RARB: variants seen among roughly 807,000 people sequenced by gnomAD.
RARB encodes the protein HBV-activated protein.
Under a neutral mutation model 51.9 loss-of-function variants are expected in RARB, and 17 were observed. That is an observed-to-expected ratio of 0.33 (90% CI 0.22 to 0.49). The LOEUF is 0.49. Ranked by LOEUF, RARB falls within the 20% of genes least tolerant of loss-of-function variation. The pLI is 0.99. For synonymous variants in RARB, 215 were observed against 195.4 expected (o/e 1.10, Z -0.84); for missense variants, 369 against 550.8 (o/e 0.67, Z 3.30).
chr3:25,097,273 A>G (rs1699313407), intron 3 of RARB, among the ~76,000 whole-genome samples: 1 of 152,194 alleles, frequency 6.6e-6, no homozygotes, highest in Admixed American at 6.5e-5. Flanking sequence ...ACTGTACACA[A>G]CAATTTAATG....
intron 3 of RARB, among the ~76,000 whole-genome samples, chr3:25,547,082 G>A (rs959063157): frequency 5.3e-5 from 8 of 152,134 alleles, no homozygotes; most frequent in African/African-American, 1.2e-4. Flanking sequence ...GTTGATACCC[G>A]AAGGCCTCCT....
chr3:25,075,285 C>T (rs775766754), intron 3 of RARB, among the ~76,000 whole-genome samples: 4 of 152,122 alleles, frequency 2.6e-5, no homozygotes, highest in East Asian at 1.9e-4. Context: ...CCCTATACCC[C>T]GTCTTTCTCA....
intron 5 of RARB, among the ~76,000 whole-genome samples, chr3:25,363,250 C>T (rs149130131): frequency 2.3e-3 from 348 of 152,166 alleles, no homozygotes; most frequent in African/African-American, 5.9e-3. Context: ...AGAGAAGGAA[C>T]GTAGGCTGTG....
At chr3:24,923,092 G>A (rs1021973823) in intron 2 of RARB, among the ~76,000 whole-genome samples, 2 of 152,122 alleles carry the variant, frequency 1.3e-5, no homozygotes, top group Non-Finnish European at 2.9e-5. Flanking sequence ...TTCAGACAAG[G>A]GTAAAAGGTC....
At chr3:25,474,340 G>C (rs146872332) in intron 2 of RARB, among the ~76,000 whole-genome samples, 247 of 152,280 alleles carry the variant, frequency 1.6e-3, no homozygotes, top group Middle Eastern at 6.8e-3. Context: ...CACATCTGGG[G>C]ACTTTGCGAT....
chr3:24,935,921 A>G (rs1415725853), intron 2 of RARB, among the ~76,000 whole-genome samples: 1 of 152,152 alleles, frequency 6.6e-6, no homozygotes, highest in Admixed American at 6.6e-5. Flanking sequence ...TTAACCACCA[A>G]TAAATTGGCA....
intron 2 of RARB, among the ~76,000 whole-genome samples, chr3:24,861,737 T>C (rs1014973932): frequency 5.3e-5 from 8 of 152,190 alleles, no homozygotes; most frequent in African/African-American, 1.9e-4. Flanking sequence ...GCATTCAAGC[T>C]GCAGTGATAT....
At position 25,294,762 on chromosome 3, in the gene RARB, TC is replaced by T. The variant is rs1177635831; in HGVS notation, c.178+120190del. Among the ~76,000 whole-genome samples the T allele has an allele frequency of 2.0e-5, 3 of 148,278 alleles. No individual in the cohort carries two copies. The East Asian group carries it at 5.8e-4, about 29-fold the overall frequency. On this transcript the variant is annotated intron_variant, in intron 5 of 11. Coordinates refer to the RARB transcript ENST00000383772. Reference sequence around the variant, plus strand: ...GTCATTTGGCAATGTATTCGTGGCCTCCCAGTCTTTTCTCCTACTGTTTCTG... The same window carrying T: ...GTCATTTGGCAATGTATTCGTGGCCTCCAGTCTTTTCTCCTACTGTTTCTG...
At chr3:25,504,747 T>C (rs1372286204) in intron 3 of RARB, among the ~76,000 whole-genome samples, 1 of 151,418 alleles carries the variant, frequency 6.6e-6, no homozygotes, top group Non-Finnish European at 1.5e-5. Flanking sequence ...GTATTTTCTA[T>C]GTGCCAAGTA....
At chr3:24,956,140 T>G (rs1219740593) in intron 2 of RARB, among the ~76,000 whole-genome samples, 1 of 152,130 alleles carries the variant, frequency 6.6e-6, no homozygotes, top group Non-Finnish European at 1.5e-5. Context: ...AGCCTTTCCA[T>G]TTTCAAAGTA....
intron 3 of RARB, among the ~76,000 whole-genome samples, chr3:25,065,896 T>A (rs973208753): frequency 6.6e-6 from 1 of 152,224 alleles, no homozygotes; most frequent in African/African-American, 2.4e-5. Flanking sequence ...CTTTTGTGGT[T>A]GTTCTGTAGA....
Position 24,978,217 on chromosome 3 carries a change from T to G in RARB, c.-379-81908T>G, listed in dbSNP as rs542715723. ...GGATATTGGCCTAAGATTCTTTTTT[T>G]TTGTTGTTGTGTCTCTGCCAGGTTT... On this transcript the variant is annotated intron_variant, in intron 2 of 11. Transcript: ENST00000383772. Among the ~76,000 whole-genome samples, 144 of 152,214 alleles carry G rather than the reference T, an allele frequency of 9.5e-4. 1 individual carries two copies. The South Asian group carries it at 9.7e-3, about 10-fold the overall frequency.
At chr3:25,413,430 A>G (rs991580914) in intron 5 of RARB, among the ~76,000 whole-genome samples, 8 of 152,154 alleles carry the variant, frequency 5.3e-5, no homozygotes, top group Non-Finnish European at 7.4e-5. Context: ...TACAATTATG[A>G]TTATGTTTTT....
At chr3:25,069,025 A>AT (rs560799681) in intron 3 of RARB, among the ~76,000 whole-genome samples, 1 of 150,762 alleles carries the variant, frequency 6.6e-6, no homozygotes. Flanking sequence ...AAAAAAAAAA[A>AT]CACACACACA....
At chr3:25,275,047 C>T (rs561368412) in intron 5 of RARB, among the ~76,000 whole-genome samples, 128 of 152,312 alleles carry the variant, frequency 8.4e-4, no homozygotes, top group Non-Finnish European at 1.6e-3. Flanking sequence ...TAAAAAAGAT[C>T]TTCGTCTTCT....
intron 2 of RARB, among the ~76,000 whole-genome samples, chr3:24,879,281 T>G (rs1045382877): frequency 2.0e-5 from 3 of 151,734 alleles, no homozygotes; most frequent in Non-Finnish European, 4.4e-5. Context: ...TACAAAAAAT[T>G]AGCCGGGCGT....
At chr3:25,285,350 T>C (rs1703623263) in intron 5 of RARB, among the ~76,000 whole-genome samples, 1 of 152,158 alleles carries the variant, frequency 6.6e-6, no homozygotes, top group Admixed American at 6.5e-5. Context: ...TTGGGAAGGC[T>C]CATTGTTTGA....
At chr3:25,098,656 T>A (rs1699345364) in intron 3 of RARB, among the ~76,000 whole-genome samples, 2 of 152,268 alleles carry the variant, frequency 1.3e-5, no homozygotes, top group Admixed American at 1.3e-4. Flanking sequence ...TTATACATTG[T>A]CTATGGCTGA....
intron 3 of RARB, among the ~76,000 whole-genome samples, chr3:25,518,077 A>G (rs1393535529): frequency 6.6e-6 from 1 of 152,246 alleles, no homozygotes; most frequent in African/African-American, 2.4e-5. Flanking sequence ...ATTTGTGAAT[A>G]TATTAAAAAC....
Sources: allele counts gnomAD v4.1 joint callset (sites outside exome capture counted in the v4.1 genomes callset), GRCh38; gene constraint gnomAD v4.1.1; transcripts MANE v1.5; gene names NCBI Gene and HGNC (gene_info 2026-07-23, HGNC 2026-07-21).